Variants in HMCN1 observed in about 807,000 individuals in gnomAD.
HMCN1 encodes the protein hemicentin-1.
A neutral mutation model predicts 625.9 loss-of-function variants in HMCN1; 321 were observed. That is an observed-to-expected ratio of 0.51 (90% CI 0.47 to 0.56). The LOEUF (loss-of-function observed/expected upper bound fraction) is 0.56, where lower values mean the gene tolerates loss of function less well. HMCN1 is among the 20% of genes least tolerant of loss of function. The pLI, the probability that HMCN1 is intolerant of heterozygous loss-of-function variation, is 0.00. For missense variants in HMCN1, 6,588 were observed against 6,887.3 expected, an observed-to-expected ratio of 0.96 and a Z score of 1.54; for synonymous variants, 2,425 against 2,417.6, an observed-to-expected ratio of 1.00 and a Z score of -0.09.
chr1:186,100,021 A>T (rs1215783739), intron 68 of HMCN1, among the ~76,000 whole-genome samples: 2 of 152,052 alleles, frequency 1.3e-5, no homozygotes, highest in African/African-American at 4.8e-5. Flanking sequence ...CTGTATTCAT[A>T]CAGCCTGTAA....
At chr1:185,777,109 C>T (rs1656668510) in intron 1 of HMCN1, among the ~76,000 whole-genome samples, 1 of 152,054 alleles carries the variant, frequency 6.6e-6, no homozygotes, top group African/African-American at 2.4e-5. Context: ...TTTTCAATAC[C>T]CAGGAGGTGC....
intron 68 of HMCN1, among the ~76,000 whole-genome samples, 190 bp downstream of exon 68, chr1:186,095,711 T>A (rs1660107093): frequency 6.6e-6 from 1 of 152,192 alleles, no homozygotes. Flanking sequence ...TAAATTGTAT[T>A]TTTTATCTCT....
intron 1 of HMCN1, among the ~76,000 whole-genome samples, chr1:185,830,196 T>G (rs567642403): frequency 6.6e-6 from 1 of 152,314 alleles, no homozygotes; most frequent in African/African-American, 2.4e-5. Context: ...ATTCTGTAGA[T>G]TACCTGTTCA....
intron 93 of HMCN1, among the ~76,000 whole-genome samples, chr1:186,148,835 G>A (rs1212360090): frequency 6.6e-6 from 1 of 152,034 alleles, no homozygotes; most frequent in African/African-American, 2.4e-5. Flanking sequence ...AATGGATGCT[G>A]TATTAGGCAT....
At chr1:185,849,470 A>G (rs926045384) in intron 2 of HMCN1, among the ~76,000 whole-genome samples, 19 of 152,200 alleles carry the variant, frequency 1.2e-4, no homozygotes, top group South Asian at 2.1e-4. Context: ...ACCCCAGTAA[A>G]AGGACTGGCA....
chr1:185,886,438 G>A (rs1039238363), intron 4 of HMCN1, among the ~76,000 whole-genome samples: 2 of 152,018 alleles, frequency 1.3e-5, no homozygotes, highest in Non-Finnish European at 2.9e-5. Flanking sequence ...AAGCTAGAAT[G>A]CATCTCCTTT....
Position 185,855,782 on chromosome 1 carries a change from A to G in HMCN1, c.340-8688A>G, listed in dbSNP as rs145754518. On this transcript the variant is annotated intron_variant, in intron 2 of 106. Coordinates refer to ENST00000271588, the MANE Select transcript of HMCN1 (RefSeq NM_031935.3). ...ATCTGAAAGCATGGACATTGTTGTA[A>G]TTGTTACCTTTACTGTGCCTGGAAT... 2.3e-4 allele frequency among the ~76,000 whole-genome samples: 35 copies of G among 152,302 alleles called. No homozygotes were observed. The East Asian group carries it at 6.4e-3, about 28-fold the overall frequency.
chr1:186,163,398 C>A (rs541415926), intron 97 of HMCN1, among the ~76,000 whole-genome samples: 1 of 152,078 alleles, frequency 6.6e-6, no homozygotes, highest in African/African-American at 2.4e-5. Flanking sequence ...GGCTCACGCA[C>A]GGTGCGCTGC....
chr1:186,151,212 G>T lies in HMCN1; in HGVS notation c.14621G>T (p.Arg4874Leu), dbSNP rs772201417. Residue 4874 changes from arginine (R) to leucine (L), a missense_variant, in exon 94 of 107, where the codon CGA becomes CTA. Arg to Leu is a moderately radical substitution (Grantham distance 102). Transcript: ENST00000271588. Reference protein sequence around the residue: ...NVQACPGGPQRARGSVIGNIN... With the variant: ...NVQACPGGPQLARGSVIGNIN... The stretch of plus-strand genomic sequence containing the variant: ...TTTCCCCCAATAGGTGGGCCCCAGC[G>T]AGCCAGAGGAAGTGTTATTGGAAAT... 6.8e-6 allele frequency: 11 copies of T among 1,613,598 alleles called. No individual in the cohort carries two copies. The East Asian group carries it at 1.8e-4, about 26-fold the overall frequency.
chr1:185,741,028 T>C (rs997044177), intron 1 of HMCN1, among the ~76,000 whole-genome samples: 1 of 151,956 alleles, frequency 6.6e-6, no homozygotes, highest in Non-Finnish European at 1.5e-5. Flanking sequence ...AAAAACAAGT[T>C]GTTAAAAAGA....
intron 1 of HMCN1, among the ~76,000 whole-genome samples, chr1:185,768,926 C>T (rs542825005): frequency 1.4e-4 from 21 of 152,042 alleles, no homozygotes; most frequent in East Asian, 3.9e-4. Flanking sequence ...GTAGAAAAGA[C>T]GAAAAGAGAT....
Position 185,846,022 on chromosome 1 carries a change from A to C in HMCN1, c.269-4A>C. On this transcript the variant is annotated splice_polypyrimidine_tract_variant and splice_region_variant and intron_variant, in intron 1 of 106. Coordinates refer to ENST00000271588, the MANE Select transcript of HMCN1 (RefSeq NM_031935.3). ...ATTGACCTATGTTATTTTTATCTTC[A>C]CAGAAATTGGCCCAGTGACAATTAC... The C allele has an allele frequency of 1.3e-6, 2 of 1,593,724 alleles. No individual in the cohort carries two copies.
rs1401809577 is a variant in HMCN1, at chr1:186,080,576, T to C, written c.8600-631T>C. Among the ~76,000 whole-genome samples, 5 of 152,154 alleles carry C rather than the reference T, an allele frequency of 3.3e-5. No individual in the cohort carries two copies. In the East Asian group the frequency reaches 9.6e-4, roughly 29 times the overall value. On this transcript the variant is annotated intron_variant, in intron 55 of 106. Coordinates refer to ENST00000271588, the MANE Select transcript of HMCN1 (RefSeq NM_031935.3). ...GGGACTTCTCAAACTTTAGCATACA[T>C]AAAGATCACCTGAAGAGCTTGTTAA...
In HMCN1 at chr1:185,864,550, T is replaced by C. The variant is rs1558024251; in HGVS notation, c.420T>C (p.Tyr140=). Reference sequence around the variant, plus strand: ...TTTCTCTTCCTGGTTCTTTCATCTATGTTTTCACTGATGCTCGGTCCAAAG... The same window carrying C: ...TTTCTCTTCCTGGTTCTTTCATCTACGTTTTCACTGATGCTCGGTCCAAAG... The part of the protein sequence containing the change: ...LEISLPGSFI[Y]VFTDARSKDY... The change falls in exon 3 of 107, where the codon TAT becomes TAC. Residue 140 remains tyrosine, a synonymous_variant. Transcript: ENST00000271588. 2 of 1,614,124 alleles carry C rather than the reference T, an allele frequency of 1.2e-6. No homozygotes were observed. The highest frequency in any genetic ancestry group is 8.5e-7 in the Non-Finnish European group (1 of 1,179,980).
chr1:185,786,024 C>A (rs146234578), intron 1 of HMCN1, among the ~76,000 whole-genome samples: 168 of 152,238 alleles, frequency 1.1e-3, no homozygotes, highest in African/African-American at 3.8e-3. Flanking sequence ...AATCATTATT[C>A]TTTGTATGAC....
Position 186,151,705 on chromosome 1 carries a change from C to T in HMCN1, c.14858C>T (p.Ala4953Val). The T allele has an allele frequency of 6.2e-7, 1 of 1,613,586 alleles. No homozygotes were observed. Among genetic ancestry groups the T allele is most frequent in the Non-Finnish European group, 8.5e-7 (1 of 1,179,628 alleles). Residue 4953 changes from alanine (A) to valine (V), a missense_variant, in exon 95 of 107, where the codon GCA becomes GTA. Ala to Val is a moderately conservative substitution (Grantham distance 64, BLOSUM62 0). Coordinates refer to ENST00000271588, the MANE Select transcript of HMCN1 (RefSeq NM_031935.3). ...EAVNGFTLTN[A>V]VFKRETQVEF... ...GTCAATGGCTTTACCCTCACCAATG[C>T]AGTCTTCAAAAGAGAAACTCAAGTG...
At chr1:186,024,671 G>A (rs541961355) in intron 36 of HMCN1, among the ~76,000 whole-genome samples, 1 of 152,100 alleles carries the variant, frequency 6.6e-6, no homozygotes, top group Non-Finnish European at 1.5e-5. Context: ...TGATTTTGGG[G>A]TTCAGAGATA....
intron 4 of HMCN1, among the ~76,000 whole-genome samples, chr1:185,896,040 A>G (rs1302901612): frequency 6.6e-6 from 1 of 151,540 alleles, no homozygotes; most frequent in Non-Finnish European, 1.5e-5. Context: ...GGTTCGCACC[A>G]TTCTCCTGCT....
In HMCN1 at chr1:186,171,437, C is replaced by G; in HGVS notation, c.15675C>G (p.Gly5225=). 1 of 1,611,470 alleles carries G rather than the reference C, an allele frequency of 6.2e-7. No individual in the cohort carries two copies. The highest frequency in any genetic ancestry group is 8.5e-7 in the Non-Finnish European group (1 of 1,177,776). Residue 5225 remains glycine, a synonymous_variant, in exon 101 of 107, where the codon GGC becomes GGG. Coordinates refer to ENST00000271588, the MANE Select transcript of HMCN1 (RefSeq NM_031935.3). ...GTGAACCTGGGTATCAGCTCAAAGG[C>G]AGAAAATGCATGGGTAAGAAAAGGG... The part of the protein sequence containing the change: ...CGCEPGYQLK[G]RKCMDVNECR...
Sources: allele counts gnomAD v4.1 joint callset (sites outside exome capture counted in the v4.1 genomes callset), GRCh38; gene constraint gnomAD v4.1.1; transcripts MANE v1.5; gene names NCBI Gene and HGNC (gene_info 2026-07-23, HGNC 2026-07-21).